The following PEAK1 variants were observed in gnomAD, a reference collection of about 807,000 sequenced individuals.
PEAK1 encodes pseudopodium enriched atypical kinase 1.
A neutral mutation model predicts 124.7 loss-of-function variants in PEAK1; 54 were observed. The ratio of observed to expected loss-of-function variants is 0.43; its 90% CI spans 0.35 to 0.54. PEAK1 has a LOEUF of 0.54. Among genes scored for constraint, PEAK1 ranks in the 20% least tolerant of loss-of-function variants. The pLI is 0.01. For missense variants in PEAK1, 2,046 were observed against 2,134.5 expected, an observed-to-expected ratio of 0.96 and a Z score of 0.82; for synonymous variants, 719 against 760.0, an observed-to-expected ratio of 0.95 and a Z score of 0.89.
chr15:77,298,194 T>G (rs1364718924), intron 2 of PEAK1, among the ~76,000 whole-genome samples: 2 of 135,892 alleles, frequency 1.5e-5, no homozygotes, highest in African/African-American at 2.8e-5. Context: ...TTTGGTATCC[T>G]TAATTTTTTT....
intron 1 of PEAK1, chr15:77,419,263 A>T: frequency 2.0e-6 from 2 of 985,380 alleles, no homozygotes; most frequent in Non-Finnish European, 2.4e-6. Context: ...AAGGAGGAAA[A>T]AACGAAATCA....
At chr15:77,149,600 C>T (rs1417020293) in intron 8 of PEAK1, among the ~76,000 whole-genome samples, 1 of 152,086 alleles carries the variant, frequency 6.6e-6, no homozygotes, top group Non-Finnish European at 1.5e-5. Flanking sequence ...GGAAAAATAA[C>T]AAAACAAAAC....
In PEAK1 at chr15:77,115,265, G is replaced by C. The variant is rs1414780018; in HGVS notation, c.4132C>G (p.Arg1378Gly). The change falls in exon 10 of 10, where the codon CGG (arginine) becomes GGG (glycine). Residue 1378 changes from arginine to glycine, a missense_variant. Transcript: ENST00000682557. Reference sequence around the variant, plus strand: ...TTAAAATGGACAGCCAGACTCTGCCGGACAGCCAAGCTGTGATAATACTGC... The same window carrying C: ...TTAAAATGGACAGCCAGACTCTGCCCGACAGCCAAGCTGTGATAATACTGC... The part of the protein sequence containing the change: ...SQQYYHSLAV[R>G]QSLAVHFNIQ... 6.2e-6 allele frequency: 10 copies of C among 1,613,966 alleles called. No homozygotes were observed. Among genetic ancestry groups the C allele is most frequent in the Non-Finnish European group, 8.5e-6 (10 of 1,180,008 alleles).
At chr15:77,198,812 TA>T (rs1290882415) in intron 6 of PEAK1, among the ~76,000 whole-genome samples, 1 of 152,158 alleles carries the variant, frequency 6.6e-6, no homozygotes, top group Non-Finnish European at 1.5e-5. Flanking sequence ...AGATTTGGCT[TA>T]AAAAATGTCA....
intron 2 of PEAK1, among the ~76,000 whole-genome samples, chr15:77,344,984 C>A (rs2066779382): frequency 6.6e-6 from 1 of 152,180 alleles, no homozygotes; most frequent in Non-Finnish European, 1.5e-5. Flanking sequence ...ATGTCATCTG[C>A]AAACAGAGAT....
At chr15:77,145,426 G>C (rs1483821372) in intron 8 of PEAK1, among the ~76,000 whole-genome samples, 1 of 151,046 alleles carries the variant, frequency 6.6e-6, no homozygotes, top group Non-Finnish European at 1.5e-5. Context: ...TGCAGCTTGG[G>C]CTACAGAGTG....
intron 8 of PEAK1, among the ~76,000 whole-genome samples, chr15:77,149,151 C>G (rs2054388712): frequency 6.6e-6 from 1 of 152,148 alleles, no homozygotes; most frequent in Admixed American, 6.5e-5. Context: ...TGACACAGCT[C>G]TTATAGAAAC....
At chr15:77,204,773 G>A (rs994945161) in intron 6 of PEAK1, 2 of 154,340 alleles carry the variant, frequency 1.3e-5, no homozygotes, top group Non-Finnish European at 1.4e-5. Context: ...GAGTAGTGGT[G>A]AGCACCTGTA....
chr15:77,380,414 T>A (rs946107631), intron 1 of PEAK1, among the ~76,000 whole-genome samples: 2 of 152,172 alleles, frequency 1.3e-5, no homozygotes, highest in African/African-American at 4.8e-5. Context: ...AAAGGCAAGA[T>A]CCCTTTTTAT....
chr15:77,355,490 T>A (rs149873543), intron 2 of PEAK1, among the ~76,000 whole-genome samples: 1 of 152,196 alleles, frequency 6.6e-6, no homozygotes, highest in South Asian at 2.1e-4. Flanking sequence ...GAGACCCTTT[T>A]ATAATTGCGC....
In PEAK1 at chr15:77,294,428, T is replaced by C. The variant is rs2063381632; in HGVS notation, c.-602-7924A>G. On this transcript the variant is annotated intron_variant, in intron 2 of 9. Transcript: ENST00000682557. The stretch of plus-strand genomic sequence containing the variant: ...GAAATAATATACCATTTTACTGCTC[T>C]CTGTAAAGATTCAGAAAGAACATTA... 2.6e-5 allele frequency among the ~76,000 whole-genome samples: 4 copies of C among 152,342 alleles called. No individual in the cohort carries two copies. In the South Asian group the frequency reaches 8.3e-4, roughly 32 times the overall value.
rs1456914234 is a variant in PEAK1 at position 77,109,387 on chromosome 15, G to C, written c.*4769C>G. On this transcript the variant is annotated 3_prime_UTR_variant, in exon 10 of 10. Coordinates refer to ENST00000682557, the MANE Select transcript of PEAK1 (RefSeq NM_001385026.1). ...TTAAAAAGGTGCTTTTCTGAGGATGGATTTATCAGCTAAATGCCTTGACAT... is the reference window on the plus strand; with the variant it reads ...TTAAAAAGGTGCTTTTCTGAGGATGCATTTATCAGCTAAATGCCTTGACAT... 6.6e-6 allele frequency: 1 copy of C among 152,112 alleles called. No individual in the cohort carries two copies. Among genetic ancestry groups the C allele is most frequent in the Non-Finnish European group, 1.5e-5 (1 of 68,022 alleles). The allele number at this position is 152,112 out of a possible 1,614,324, so 9.4% of individuals were successfully genotyped here. A position where few individuals can be genotyped will look rare whatever the true frequency, so the allele number is the denominator to read the frequency against.
intron 6 of PEAK1, among the ~76,000 whole-genome samples, chr15:77,191,551 C>T (rs1175507210): frequency 6.6e-6 from 1 of 152,146 alleles, no homozygotes; most frequent in Non-Finnish European, 1.5e-5. Context: ...AGACTTATTG[C>T]TTCTACAGGG....
At chr15:77,200,158 G>A (rs768264859) in intron 6 of PEAK1, among the ~76,000 whole-genome samples, 1 of 152,038 alleles carries the variant, frequency 6.6e-6, no homozygotes, top group Non-Finnish European at 1.5e-5. Context: ...ACTACTCAAC[G>A]TGAAGACAAG....
At chr15:77,401,518 A>G in intron 1 of PEAK1, 1 of 972,440 alleles carries the variant, frequency 1.0e-6, no homozygotes, top group Non-Finnish European at 1.2e-6. Context: ...GAAGAACAAT[A>G]CTCACCTAAA....
At chr15:77,234,080 G>A (rs2060015297) in intron 6 of PEAK1, among the ~76,000 whole-genome samples, 1 of 152,036 alleles carries the variant, frequency 6.6e-6, no homozygotes, top group Admixed American at 6.6e-5. Context: ...TGCCCTGGCT[G>A]GTCTTGAACT....
chr15:77,167,483 A>G (rs575577577), intron 7 of PEAK1, among the ~76,000 whole-genome samples: 1 of 152,236 alleles, frequency 6.6e-6, no homozygotes, highest in African/African-American at 2.4e-5. Flanking sequence ...TAAGGACTTC[A>G]TGAACTCATC....
intron 7 of PEAK1, among the ~76,000 whole-genome samples, chr15:77,173,259 C>CT (rs1401369059): frequency 6.6e-6 from 1 of 152,114 alleles, no homozygotes; most frequent in Non-Finnish European, 1.5e-5. Flanking sequence ...GGCATGATCA[C>CT]TAATTGACCT....
chr15:77,226,153 A>G (rs2059666898), intron 6 of PEAK1, among the ~76,000 whole-genome samples: 1 of 145,384 alleles, frequency 6.9e-6, no homozygotes, highest in Non-Finnish European at 1.5e-5. Flanking sequence ...CATTACCAGG[A>G]AACAGAACAA....
Sources: allele counts gnomAD v4.1 joint callset (sites outside exome capture counted in the v4.1 genomes callset), GRCh38; gene constraint gnomAD v4.1.1; transcripts MANE v1.5; gene names NCBI Gene and HGNC (gene_info 2026-07-23, HGNC 2026-07-21).